The following EPHA5 variants were observed in gnomAD, a reference collection of about 807,000 sequenced individuals.
EPHA5 encodes the protein ephrin type-A receptor 5.
A neutral mutation model predicts 105.0 loss-of-function variants in EPHA5; 60 were observed. The observed-to-expected ratio is 0.57, with a 90% CI of 0.46 to 0.71. EPHA5 has a LOEUF of 0.71. Ranked by LOEUF, EPHA5 falls within the 30% of genes least tolerant of loss-of-function variation. EPHA5 has a pLI of 0.00. For missense variants in EPHA5, 1,218 were observed against 1,274.7 expected (o/e 0.96, Z 0.68); for synonymous variants, 513 against 449.1 (o/e 1.14, Z -1.80).
intron 1 of EPHA5, among the ~76,000 whole-genome samples, chr4:65,655,723 T>C (rs576662280): frequency 6.6e-6 from 1 of 152,248 alleles, no homozygotes; most frequent in South Asian, 2.1e-4. Flanking sequence ...CCAAAGAATT[T>C]GCTTTCATCA....
At chr4:65,666,871 C>T (rs1470312165) in intron 1 of EPHA5, among the ~76,000 whole-genome samples, 1 of 152,062 alleles carries the variant, frequency 6.6e-6, no homozygotes, top group Non-Finnish European at 1.5e-5. Context: ...TTATATCTAA[C>T]AAAGTTAAAT....
intron 5 of EPHA5, among the ~76,000 whole-genome samples, chr4:65,483,875 A>G (rs1485546638): frequency 6.6e-6 from 1 of 152,160 alleles, no homozygotes; most frequent in Admixed American, 6.5e-5. Context: ...CTCTCCTACA[A>G]AAACAGTAAA....
At chr4:65,385,985 T>G (rs988258939) in intron 8 of EPHA5, among the ~76,000 whole-genome samples, 1 of 151,874 alleles carries the variant, frequency 6.6e-6, no homozygotes, top group Admixed American at 6.6e-5. Flanking sequence ...ACCTATAAGA[T>G]TTTTGGAGGA....
chr4:65,371,378 T>G (rs1347059895), intron 8 of EPHA5, among the ~76,000 whole-genome samples: 1 of 152,116 alleles, frequency 6.6e-6, no homozygotes. Context: ...CCAATGACCT[T>G]ATGGCTTATT....
At chr4:65,342,334 G>A (rs183279965) in intron 14 of EPHA5, among the ~76,000 whole-genome samples, 12 of 151,974 alleles carry the variant, frequency 7.9e-5, no homozygotes, top group African/African-American at 2.9e-4. Context: ...AATATTCTTT[G>A]GTCAAAGACA....
At chr4:65,334,619 C>G (rs6852262) in intron 15 of EPHA5, among the ~76,000 whole-genome samples, 103,054 of 151,756 alleles carry the variant, frequency 0.68, 35,913 homozygotes, top group South Asian at 0.75. Context: ...AGGATATGCA[C>G]ATGACTGAAT....
chr4:65,388,847 T>G (rs1344974095), intron 8 of EPHA5, among the ~76,000 whole-genome samples: 1 of 151,854 alleles, frequency 6.6e-6, no homozygotes, highest in Non-Finnish European at 1.5e-5. Context: ...TTTTGGCTTT[T>G]GTTGCCATTG....
At chr4:65,436,367 C>A (rs530734608) in intron 5 of EPHA5, among the ~76,000 whole-genome samples, 31 of 152,010 alleles carry the variant, frequency 2.0e-4, no homozygotes, top group Non-Finnish European at 3.8e-4. Context: ...CACACACACA[C>A]AAAATGTAAC....
chr4:65,440,048 T>A, intron 5 of EPHA5, among the ~76,000 whole-genome samples: 1 of 152,246 alleles, frequency 6.6e-6, no homozygotes, highest in Non-Finnish European at 1.5e-5. Flanking sequence ...TTGACACTAA[T>A]ACTATGTTTT....
intron 3 of EPHA5, among the ~76,000 whole-genome samples, chr4:65,558,670 T>A (rs912280784): frequency 2.0e-5 from 3 of 152,086 alleles, no homozygotes; most frequent in South Asian, 4.1e-4. Flanking sequence ...ATTAGGTATA[T>A]CTCCTAATGC....
At chr4:65,576,788 G>C (rs1741100431) in intron 3 of EPHA5, among the ~76,000 whole-genome samples, 1 of 152,092 alleles carries the variant, frequency 6.6e-6, no homozygotes, top group Admixed American at 6.5e-5. Flanking sequence ...ATTCATCTGG[G>C]AAATCTCTCA....
At chr4:65,664,271 G>A (rs1173736999) in intron 1 of EPHA5, among the ~76,000 whole-genome samples, 4 of 151,872 alleles carry the variant, frequency 2.6e-5, no homozygotes, top group African/African-American at 4.8e-5. Context: ...TCTAATAATT[G>A]TTAGTTTTCT....
intron 1 of EPHA5, among the ~76,000 whole-genome samples, chr4:65,655,719 A>G (rs1748999187): frequency 6.6e-6 from 1 of 152,070 alleles, no homozygotes; most frequent in Non-Finnish European, 1.5e-5. Context: ...ATTTCCAAAG[A>G]ATTTGCTTTC....
chr4:65,666,390 T>C (rs774059200), intron 1 of EPHA5, among the ~76,000 whole-genome samples: 1 of 152,174 alleles, frequency 6.6e-6, no homozygotes, highest in Non-Finnish European at 1.5e-5. Flanking sequence ...GAATCCCTGC[T>C]GTGAAAAGCA....
chr4:65,528,900 T>C (rs779143131), intron 3 of EPHA5, among the ~76,000 whole-genome samples: 8 of 152,110 alleles, frequency 5.3e-5, no homozygotes, highest in Non-Finnish European at 1.2e-4. Context: ...CTACTTCAAA[T>C]TATAGGATAG....
intron 5 of EPHA5, among the ~76,000 whole-genome samples, chr4:65,474,508 G>A (rs1159870761): frequency 2.0e-5 from 3 of 152,244 alleles, no homozygotes; most frequent in African/African-American, 7.2e-5. Context: ...AGGCCTTCTA[G>A]GCTTGAAGAG....
chr4:65,443,875 AAT>A (rs1726247238), intron 5 of EPHA5, among the ~76,000 whole-genome samples: 1 of 151,318 alleles, frequency 6.6e-6, no homozygotes, highest in African/African-American at 2.4e-5. Flanking sequence ...CCTTGAAAAA[AAT>A]AGTTTCTACT....
intron 5 of EPHA5, among the ~76,000 whole-genome samples, chr4:65,465,817 AC>A (rs1234142043): frequency 2.6e-4 from 39 of 152,272 alleles, no homozygotes; most frequent in African/African-American, 9.4e-4. Context: ...AGAAAAAAAT[AC>A]CCATTTGTAA....
intron 8 of EPHA5, among the ~76,000 whole-genome samples, chr4:65,397,729 T>G (rs1721388082): frequency 6.6e-6 from 1 of 152,132 alleles, no homozygotes; most frequent in Non-Finnish European, 1.5e-5. Context: ...CCAGCAGTCA[T>G]GCAACGGGAG....
Sources: gnomAD v4.1 joint callset for allele counts (sites outside exome capture counted in the v4.1 genomes callset) on GRCh38, gnomAD v4.1.1 for gene constraint, MANE v1.5 for transcripts, NCBI Gene and HGNC (gene_info 2026-07-23, HGNC 2026-07-21) for gene names.